The following PRELID2 variants were observed in gnomAD, a reference collection of about 807,000 sequenced individuals.
PRELID2 encodes PRELI domain-containing protein 2.
In PRELID2, 25 loss-of-function variants were observed where a neutral mutation model predicts 28.4. That is an observed-to-expected ratio of 0.88 (90% CI 0.64 to 1.23). The LOEUF (loss-of-function observed/expected upper bound fraction) is 1.23. Ranked by LOEUF, PRELID2 falls within the 50% of genes most tolerant of loss-of-function variation. PRELID2 has a pLI of 0.00. For missense variants in PRELID2, 201 were observed against 214.4 expected (o/e 0.94, Z 0.39); for synonymous variants, 76 against 71.6 (o/e 1.06, Z -0.31).
chr5:145,527,322 G>A (rs1158196800), intron 1 of PRELID2, among the ~76,000 whole-genome samples: 2 of 151,978 alleles, frequency 1.3e-5, no homozygotes, highest in East Asian at 3.9e-4. Flanking sequence ...ATTTGGATAA[G>A]GTTGGTGGAT....
At chr5:145,380,175 C>T in the PRELID2 span, among the ~76,000 whole-genome samples, 9 of 152,288 alleles carry the variant, frequency 5.9e-5, no homozygotes, top group Non-Finnish European at 8.8e-5. Context: ...CTCCTCATGC[C>T]GGGGTCCCAG....
chr5:145,478,191 G>A (rs770131229), intron 1 of PRELID2, among the ~76,000 whole-genome samples: 1 of 152,106 alleles, frequency 6.6e-6, no homozygotes, highest in Non-Finnish European at 1.5e-5. Flanking sequence ...CTTGGATGTG[G>A]CTAGTTCAAA....
Position 145,823,177 on chromosome 5 carries a change from C to T in PRELID2, c.76-43G>A, listed in dbSNP as rs547841326. On this transcript the variant is annotated intron_variant, in intron 1 of 6. Coordinates refer to ENST00000683046, the MANE Select transcript of PRELID2 (RefSeq NM_205846.3). ...AAAAAGAATTACCATTAATCTTCTA[C>T]CAAGGTGAACTATTTAGAAGTAACC... The T allele has an allele frequency of 6.3e-6, 6 of 957,964 alleles. No homozygotes were observed. The Admixed American group carries it at 8.8e-5, about 14-fold the overall frequency. 59.3% of individuals were successfully genotyped at this position (957,964 alleles called of 1,614,324 possible). A position where few individuals can be genotyped will look rare whatever the true frequency, so the allele number is the denominator to read the frequency against.
At chr5:145,347,992 GA>G in the PRELID2 span, among the ~76,000 whole-genome samples, 20 of 151,540 alleles carry the variant, frequency 1.3e-4, no homozygotes, top group Non-Finnish European at 2.9e-4. Context: ...ATTTTTAGCA[GA>G]AAAAAAAGAA....
At chr5:145,715,956 A>G (rs1298820812) in intron 1 of PRELID2, among the ~76,000 whole-genome samples, 3 of 152,184 alleles carry the variant, frequency 2.0e-5, no homozygotes. Context: ...AAGCTTGTCC[A>G]ACCCATGGCC....
intron 1 of PRELID2, among the ~76,000 whole-genome samples, chr5:145,585,666 C>T (rs574751385): frequency 2.8e-4 from 42 of 152,152 alleles, no homozygotes; most frequent in African/African-American, 8.9e-4. Flanking sequence ...AAACAATAAA[C>T]GAAGTCTACT....
At chr5:145,729,172 T>C (rs574381578) in intron 1 of PRELID2, 2 of 661,732 alleles carry the variant, frequency 3.0e-6, no homozygotes, top group East Asian at 2.7e-5. Context: ...TCCTTCAAAG[T>C]ATCATTTGTA....
At chr5:145,571,538 A>G (rs115845971) in intron 1 of PRELID2, among the ~76,000 whole-genome samples, 1,933 of 152,302 alleles carry the variant, frequency 0.013, 40 homozygotes, top group African/African-American at 0.045. Flanking sequence ...TTTCTTTGAC[A>G]TATTTTCAAA....
chr5:145,438,961 C>T, the PRELID2 span, among the ~76,000 whole-genome samples: 1 of 152,148 alleles, frequency 6.6e-6, no homozygotes, highest in African/African-American at 2.4e-5. Flanking sequence ...GCCTTTTTCT[C>T]TGATGCAGCG....
chr5:145,489,257 C>G (rs1752247176), intron 1 of PRELID2, among the ~76,000 whole-genome samples: 1 of 152,274 alleles, frequency 6.6e-6, no homozygotes, highest in Admixed American at 6.5e-5. Flanking sequence ...CTAAAGGATT[C>G]CACCGGATAA....
intron 1 of PRELID2, among the ~76,000 whole-genome samples, chr5:145,723,859 T>C (rs1162132485): frequency 6.6e-6 from 1 of 152,200 alleles, no homozygotes; most frequent in Non-Finnish European, 1.5e-5. Flanking sequence ...CCTGAATATA[T>C]ATCTCCAACA....
chr5:145,509,982 G>T (rs758290637), intron 1 of PRELID2, among the ~76,000 whole-genome samples: 1 of 152,144 alleles, frequency 6.6e-6, no homozygotes, highest in East Asian at 1.9e-4. Flanking sequence ...ATTACTTAAT[G>T]TGATACCATT....
At chr5:145,810,875 C>T (rs1238566541) in intron 4 of PRELID2, among the ~76,000 whole-genome samples, 3 of 152,050 alleles carry the variant, frequency 2.0e-5, no homozygotes, top group Non-Finnish European at 4.4e-5. Flanking sequence ...CACATAGTTA[C>T]AGTTTCAGAG....
intron 1 of PRELID2, among the ~76,000 whole-genome samples, chr5:145,722,377 G>A (rs1267378433): frequency 1.3e-5 from 2 of 152,156 alleles, no homozygotes; most frequent in African/African-American, 4.8e-5. Context: ...TCAGCTCACT[G>A]CAACCTCCGC....
At chr5:145,262,616 C>CA in the PRELID2 span, among the ~76,000 whole-genome samples, 1 of 151,958 alleles carries the variant, frequency 6.6e-6, no homozygotes, top group Non-Finnish European at 1.5e-5. Flanking sequence ...AAAGAGACAG[C>CA]CTTTTCCAGA....
chr5:145,473,478 G>C (rs1752071611), intron 1 of PRELID2, among the ~76,000 whole-genome samples: 1 of 152,120 alleles, frequency 6.6e-6, no homozygotes, highest in Non-Finnish European at 1.5e-5. Flanking sequence ...ACAATATTAA[G>C]AGATGCTTAC....
the PRELID2 span, among the ~76,000 whole-genome samples, chr5:145,412,775 T>C: frequency 6.6e-6 from 1 of 152,168 alleles, no homozygotes; most frequent in South Asian, 2.1e-4. Context: ...CAGTTATTTA[T>C]AAAGGAAAGA....
chr5:145,511,574 A>G (rs1169752386), intron 1 of PRELID2, among the ~76,000 whole-genome samples: 1 of 152,200 alleles, frequency 6.6e-6, no homozygotes, highest in Non-Finnish European at 1.5e-5. Flanking sequence ...AGCTATGGCC[A>G]TTCATTTCGT....
At chr5:145,421,190 T>A in the PRELID2 span, among the ~76,000 whole-genome samples, 12 of 151,008 alleles carry the variant, frequency 7.9e-5, no homozygotes, top group East Asian at 2.4e-3. Flanking sequence ...TGGTCTAAAA[T>A]TCTCTTTTTT....
Sources: allele counts gnomAD v4.1 joint callset (sites outside exome capture counted in the v4.1 genomes callset), GRCh38; gene constraint gnomAD v4.1.1; transcripts MANE v1.5; gene names NCBI Gene and HGNC (gene_info 2026-07-23, HGNC 2026-07-21).